Variants in CORO2B observed in about 807,000 individuals in gnomAD.
CORO2B encodes the protein coronin 2B.
CORO2B carries 26 observed loss-of-function variants against 58.8 expected under a neutral mutation model. The ratio of observed to expected loss-of-function variants is 0.44; its 90% CI spans 0.32 to 0.61. The LOEUF (loss-of-function observed/expected upper bound fraction) is 0.61, where lower values mean the gene tolerates loss of function less well. Ranked by LOEUF, CORO2B falls within the 20% of genes least tolerant of loss-of-function variation. CORO2B has a pLI of 0.04. For missense variants in CORO2B, 460 were observed against 645.1 expected (o/e 0.71, Z 3.11); for synonymous variants, 242 against 253.8 (o/e 0.95, Z 0.44).
At chr15:68,632,978 G>A (rs182261164) in intron 1 of CORO2B, among the ~76,000 whole-genome samples, 2 of 152,334 alleles carry the variant, frequency 1.3e-5, no homozygotes, top group East Asian at 1.9e-4. Flanking sequence ...TAAAATTACA[G>A]TGATCCCCTT....
chr15:68,654,811 T>G (rs983303932), intron 2 of CORO2B, among the ~76,000 whole-genome samples: 2 of 152,206 alleles, frequency 1.3e-5, no homozygotes, highest in African/African-American at 4.8e-5. Flanking sequence ...CAATAGCCTG[T>G]TAGCTTTGGT....
chr15:68,637,531 G>A (rs1381872998), intron 1 of CORO2B, among the ~76,000 whole-genome samples: 1 of 152,120 alleles, frequency 6.6e-6, no homozygotes, highest in Non-Finnish European at 1.5e-5. Context: ...CAGATTCCAG[G>A]ACCCAGGTCA....
At chr15:68,527,548 C>T in the CORO2B span, among the ~76,000 whole-genome samples, 4 of 152,132 alleles carry the variant, frequency 2.6e-5, no homozygotes, top group African/African-American at 9.7e-5. Context: ...GATGCCAGTG[C>T]CACACTCTCT....
intron 2 of CORO2B, among the ~76,000 whole-genome samples, chr15:68,665,491 A>G (rs1205953599): frequency 1.3e-5 from 2 of 151,044 alleles, no homozygotes; most frequent in Admixed American, 1.3e-4. Flanking sequence ...TAATTTTAGG[A>G]TCTGCTTATA....
chr15:68,604,941 C>T (rs893798219), intron 1 of CORO2B, among the ~76,000 whole-genome samples: 6 of 151,930 alleles, frequency 3.9e-5, no homozygotes, highest in African/African-American at 1.5e-4. Context: ...TAGTGAAACC[C>T]TGTGTCTACT....
At chr15:68,567,812 G>A in the CORO2B span, among the ~76,000 whole-genome samples, 1 of 152,184 alleles carries the variant, frequency 6.6e-6, no homozygotes, top group Non-Finnish European at 1.5e-5. Flanking sequence ...ACGAGGTCAG[G>A]AGTTCAAGAC....
intron 2 of CORO2B, among the ~76,000 whole-genome samples, chr15:68,687,788 A>G (rs1302938296): frequency 6.6e-6 from 1 of 152,222 alleles, no homozygotes; most frequent in Non-Finnish European, 1.5e-5. Context: ...CAGAAGGTGG[A>G]GGGCAAGAGA....
intron 1 of CORO2B, among the ~76,000 whole-genome samples, chr15:68,632,909 T>C (rs1900890950): frequency 6.6e-6 from 1 of 152,152 alleles, no homozygotes; most frequent in Non-Finnish European, 1.5e-5. Flanking sequence ...GGATGTGAGT[T>C]AGGGGAGAGC....
At chr15:68,629,665 G>T (rs1900774033) in intron 1 of CORO2B, among the ~76,000 whole-genome samples, 1 of 152,180 alleles carries the variant, frequency 6.6e-6, no homozygotes, top group Non-Finnish European at 1.5e-5. Context: ...GAAATGGTCA[G>T]GGGACCAGCA....
the CORO2B span, among the ~76,000 whole-genome samples, chr15:68,555,066 G>C: frequency 7.9e-4 from 121 of 152,280 alleles, 1 homozygote; most frequent in African/African-American, 2.7e-3. Flanking sequence ...CCAGCATCAA[G>C]GCAGGCCAAC....
intron 1 of CORO2B, among the ~76,000 whole-genome samples, chr15:68,636,175 G>A (rs1030286404): frequency 6.6e-6 from 1 of 152,194 alleles, no homozygotes; most frequent in African/African-American, 2.4e-5. Context: ...CTAAACACAC[G>A]TTGGCTGCTG....
chr15:68,588,476 A>G (rs1001167309), intron 1 of CORO2B, among the ~76,000 whole-genome samples: 2 of 152,178 alleles, frequency 1.3e-5, no homozygotes, highest in African/African-American at 4.8e-5. Flanking sequence ...CTTGATCTGT[A>G]TTATCCCGGC....
intron 2 of CORO2B, among the ~76,000 whole-genome samples, chr15:68,694,887 C>T (rs972089685): frequency 1.3e-5 from 2 of 152,164 alleles, no homozygotes; most frequent in Non-Finnish European, 1.5e-5. Flanking sequence ...TGTATATGAA[C>T]GAGCAGCAGC....
chr15:68,635,364 G>A (rs1476764346), intron 1 of CORO2B, among the ~76,000 whole-genome samples: 2 of 152,134 alleles, frequency 1.3e-5, no homozygotes, highest in Non-Finnish European at 2.9e-5. Context: ...GAGCTCCACC[G>A]CCCCTCTCTG....
the CORO2B span, among the ~76,000 whole-genome samples, chr15:68,533,452 A>G: frequency 1.3e-5 from 2 of 152,232 alleles, no homozygotes; most frequent in African/African-American, 4.8e-5. Context: ...AGCTGGACAC[A>G]TAAACAAATA....
chr15:68,708,378 T>TTTTTTTG (rs1892833097), intron 3 of CORO2B, among the ~76,000 whole-genome samples: 1 of 147,612 alleles, frequency 6.8e-6, no homozygotes. Context: ...TTTTTTTTTT[T>TTTTTTTG]GAGATGGAGT....
At chr15:68,605,607 G>A (rs1900091380) in intron 1 of CORO2B, among the ~76,000 whole-genome samples, 1 of 151,176 alleles carries the variant, frequency 6.6e-6, no homozygotes, top group Non-Finnish European at 1.5e-5. Context: ...GATTGTAACT[G>A]TGTAAAAATT....
At chr15:68,531,420 C>T in the CORO2B span, among the ~76,000 whole-genome samples, 829 of 151,948 alleles carry the variant, frequency 5.5e-3, 7 homozygotes, top group African/African-American at 0.018. Flanking sequence ...TCACTTGAAC[C>T]CAGGAGATGG....
At position 68,702,818 on chromosome 15, in the gene CORO2B, TTTC is replaced by T. The variant is rs1343559696; in HGVS notation, c.333+7565_333+7567del. On this transcript the variant is annotated intron_variant, in intron 3 of 11. Coordinates refer to ENST00000261861, the MANE Select transcript of CORO2B (RefSeq NM_006091.5). ...GAAACCATATCTTTTTCTTTTTCTT[TTTC>T]TTTTTTTTTTTTTTTTTTTTTTTGA... Among the ~76,000 whole-genome samples the T allele has an allele frequency of 9.4e-3, 1,319 of 140,488 alleles. 33 individuals are homozygous for T. Among genetic ancestry groups the T allele is most frequent in the African/African-American group, 0.035 (1,271 of 36,102 alleles). 92.2% of individuals were successfully genotyped at this position (140,488 alleles called of 152,430 possible).
Sources: gnomAD v4.1 joint callset for allele counts (sites outside exome capture counted in the v4.1 genomes callset) on GRCh38, gnomAD v4.1.1 for gene constraint, MANE v1.5 for transcripts, NCBI Gene and HGNC (gene_info 2026-07-23, HGNC 2026-07-21) for gene names.